STOM: variants seen among roughly 807,000 people sequenced by gnomAD.
STOM encodes stomatin.
A neutral mutation model predicts 30.6 loss-of-function variants in STOM; 25 were observed. The observed-to-expected ratio is 0.82, with a 90% CI of 0.60 to 1.14. The LOEUF (loss-of-function observed/expected upper bound fraction) is 1.14. Ranked by LOEUF, STOM falls within the 50% of genes most tolerant of loss-of-function variation. STOM has a pLI of 0.00. For synonymous variants in STOM, 118 were observed against 130.8 expected (o/e 0.90, Z 0.67); for missense variants, 292 against 365.2 (o/e 0.80, Z 1.63).
In STOM at chr9:121,370,141, G is replaced by T; in HGVS notation, c.47C>A (p.Pro16His). The T allele has an allele frequency of 6.5e-7, 1 of 1,546,366 alleles. No homozygotes were observed. Residue 16 changes from proline (P) to histidine (H), a missense_variant, in exon 1 of 7, where the codon CCC becomes CAC. Transcript: ENST00000286713. ...HTRDSEAQRLPDSFKDSPSKG... is the reference protein window; with the variant it reads ...HTRDSEAQRLHDSFKDSPSKG... Reference sequence around the variant, plus strand: ...GCGGGACTCACCCTTGAAGGAGTCGGGGAGCCGCTGGGCTTCGGAGTCCCG... The same window carrying T: ...GCGGGACTCACCCTTGAAGGAGTCGTGGAGCCGCTGGGCTTCGGAGTCCCG...
At position 121,348,162 on chromosome 9, in the gene STOM, G is replaced by A; in HGVS notation, c.526-13C>T. On this transcript the variant is annotated splice_polypyrimidine_tract_variant and intron_variant, in intron 5 of 6. Coordinates refer to ENST00000286713, the MANE Select transcript of STOM (RefSeq NM_004099.6). ...CATCCAGAGTAGACTGTTAGGAAGA[G>A]AGAAGGCAAGCTAAATCTCCTCAGC... The A allele has an allele frequency of 6.2e-7, 1 of 1,614,024 alleles. No individual in the cohort carries two copies. Among genetic ancestry groups the A allele is most frequent in the Non-Finnish European group, 8.5e-7 (1 of 1,179,944 alleles).
intron 1 of STOM, among the ~76,000 whole-genome samples, chr9:121,357,699 A>C (rs1589295093): frequency 6.6e-6 from 1 of 152,052 alleles, no homozygotes; most frequent in East Asian, 1.9e-4. Flanking sequence ...TGGCCTTCCA[A>C]AGTGCTGGGA....
At chr9:121,348,680 T>C (rs908709508) in intron 5 of STOM, among the ~76,000 whole-genome samples, 4 of 152,210 alleles carry the variant, frequency 2.6e-5, no homozygotes, top group Admixed American at 6.5e-5. Flanking sequence ...ATGAAGTCTA[T>C]ACAAATAATA....
chr9:121,360,097 AG>A (rs1299084287), intron 1 of STOM, among the ~76,000 whole-genome samples: 1 of 152,196 alleles, frequency 6.6e-6, no homozygotes, highest in Non-Finnish European at 1.5e-5. Context: ...AAACTCCCTG[AG>A]GGCAGGGATG....
At chr9:121,362,533 G>A (rs1213121911) in intron 1 of STOM, among the ~76,000 whole-genome samples, 1 of 152,096 alleles carries the variant, frequency 6.6e-6, no homozygotes, top group African/African-American at 2.4e-5. Flanking sequence ...CAGTGTTTCT[G>A]TACCTGCTTA....
At chr9:121,344,407 A>T (rs2064272109) in intron 6 of STOM, among the ~76,000 whole-genome samples, 1 of 152,122 alleles carries the variant, frequency 6.6e-6, no homozygotes, top group Non-Finnish European at 1.5e-5. Flanking sequence ...CCACCAATCA[A>T]TACACAATCG....
intron 3 of STOM, among the ~76,000 whole-genome samples, chr9:121,354,185 G>C (rs1316897046): frequency 2.0e-5 from 3 of 152,172 alleles, no homozygotes; most frequent in Non-Finnish European, 4.4e-5. Context: ...TAGCTGTACT[G>C]TTCTTGGCCT....
intron 1 of STOM, 156 bp downstream of exon 1, chr9:121,369,971 G>T: frequency 3.0e-6 from 2 of 660,250 alleles, no homozygotes; most frequent in Non-Finnish European, 5.1e-6. Flanking sequence ...AACAGGGTTC[G>T]TGATGCTCAG....
At chr9:121,344,248 G>C (rs113735309) in intron 6 of STOM, among the ~76,000 whole-genome samples, 15 of 152,330 alleles carry the variant, frequency 9.8e-5, no homozygotes, top group African/African-American at 2.9e-4. Flanking sequence ...CCACAGAACT[G>C]TATTCCAAGG....
At chr9:121,359,069 G>A (rs2064424975) in intron 1 of STOM, among the ~76,000 whole-genome samples, 1 of 152,166 alleles carries the variant, frequency 6.6e-6, no homozygotes, top group Non-Finnish European at 1.5e-5. Context: ...GATATAGTAG[G>A]TTTTCTTATC....
chr9:121,359,757 C>T (rs538744710), intron 1 of STOM, among the ~76,000 whole-genome samples: 3 of 152,188 alleles, frequency 2.0e-5, no homozygotes, highest in African/African-American at 7.2e-5. Context: ...CTCCAAAGCC[C>T]GTGTTCCAAA....
Position 121,355,904 on chromosome 9 carries a change from A to C in STOM, c.165+149T>G, listed in dbSNP as rs762099722. 3 of 569,382 alleles carry C rather than the reference A, an allele frequency of 5.3e-6. No individual in the cohort carries two copies. In the South Asian group the frequency reaches 1.0e-4, roughly 19 times the overall value. 35.3% of individuals were successfully genotyped at this position (569,382 alleles called of 1,614,324 possible). ...TTCCATTTTAATAGGTGGGTAGAAG[A>C]ATAAATTTTCCAAAGAAAGATGAAG... On this transcript the variant is annotated intron_variant, in intron 2 of 6. Coordinates refer to ENST00000286713, the MANE Select transcript of STOM (RefSeq NM_004099.6).
chr9:121,350,919 T>C (rs1403218748), intron 4 of STOM, among the ~76,000 whole-genome samples: 2 of 152,326 alleles, frequency 1.3e-5, no homozygotes, highest in East Asian at 3.9e-4. Flanking sequence ...TGTATTACCA[T>C]CTTGTATGAA....
At chr9:121,369,212 G>A (rs1339704598) in intron 1 of STOM, among the ~76,000 whole-genome samples, 1 of 152,198 alleles carries the variant, frequency 6.6e-6, no homozygotes, top group Non-Finnish European at 1.5e-5. Context: ...CAGAATAGAT[G>A]ACTCCAATGT....
intron 3 of STOM, among the ~76,000 whole-genome samples, chr9:121,354,368 T>A (rs2064366018): frequency 6.6e-6 from 1 of 151,940 alleles, no homozygotes; most frequent in African/African-American, 2.4e-5. Flanking sequence ...AATAAAAAAA[T>A]TTTAGACTGG....
chr9:121,369,989 G>T, intron 1 of STOM, 138 bp downstream of exon 1: 2 of 776,436 alleles, frequency 2.6e-6, no homozygotes, highest in Non-Finnish European at 4.1e-6. Context: ...CAGTTTACTA[G>T]GGAGGAGCCG....
intron 4 of STOM, among the ~76,000 whole-genome samples, chr9:121,352,077 T>A (rs558763785): frequency 6.6e-6 from 1 of 152,328 alleles, no homozygotes; most frequent in South Asian, 2.1e-4. Flanking sequence ...TTTGTAATAA[T>A]CATTCCTCGG....
At chr9:121,348,742 GA>G (rs1315525768) in intron 5 of STOM, among the ~76,000 whole-genome samples, 1 of 152,164 alleles carries the variant, frequency 6.6e-6, no homozygotes, top group Non-Finnish European at 1.5e-5. Flanking sequence ...ATGCTTAACT[GA>G]ATATCTGTTA....
At chr9:121,356,671 G>C (rs1338130213) in intron 1 of STOM, among the ~76,000 whole-genome samples, 1 of 152,132 alleles carries the variant, frequency 6.6e-6, no homozygotes, top group East Asian at 1.9e-4. Context: ...GGATGTAATA[G>C]TAAGAAAATA....
Sources: allele counts gnomAD v4.1 joint callset (sites outside exome capture counted in the v4.1 genomes callset), GRCh38; gene constraint gnomAD v4.1.1; transcripts MANE v1.5; gene names NCBI Gene and HGNC (gene_info 2026-07-23, HGNC 2026-07-21).